The following UVRAG variants were observed in gnomAD, a reference collection of about 807,000 sequenced individuals.
UVRAG encodes UV radiation resistance associated.
Under a neutral mutation model 78.0 loss-of-function variants are expected in UVRAG, and 19 were observed. That is an observed-to-expected ratio of 0.24 (90% CI 0.17 to 0.36). UVRAG has a LOEUF of 0.36. Ranked by LOEUF, UVRAG falls within the 10% of genes least tolerant of loss-of-function variation. The probability of loss-of-function intolerance (pLI) is 1.00; values close to 1 mark genes in which losing one functional copy is unlikely to be tolerated. For missense variants in UVRAG, 740 were observed against 853.8 expected (o/e 0.87, Z 1.66); for synonymous variants, 323 against 324.6 (o/e 1.00, Z 0.05).
intron 11 of UVRAG, among the ~76,000 whole-genome samples, chr11:76,013,313 A>C (rs1950089099): frequency 6.6e-6 from 1 of 152,144 alleles, no homozygotes; most frequent in African/African-American, 2.4e-5. Context: ...TATTATGAGG[A>C]AACTGGGTTT....
intron 12 of UVRAG, among the ~76,000 whole-genome samples, chr11:76,046,003 A>T (rs1414358733): frequency 6.6e-6 from 1 of 152,174 alleles, no homozygotes; most frequent in Non-Finnish European, 1.5e-5. Flanking sequence ...TGAAGATTCT[A>T]AAAGCTTGCA....
intron 1 of UVRAG, among the ~76,000 whole-genome samples, chr11:75,834,610 C>T (rs1437035758): frequency 1.3e-5 from 2 of 152,016 alleles, no homozygotes; most frequent in African/African-American, 2.4e-5. Flanking sequence ...GTCAGGAGAT[C>T]GAGACTGTCC....
chr11:76,049,235 A>C (rs898896336), intron 12 of UVRAG, among the ~76,000 whole-genome samples: 2 of 152,206 alleles, frequency 1.3e-5, no homozygotes, highest in African/African-American at 4.8e-5. Flanking sequence ...TCTGACCCTG[A>C]GCATGACAGT....
chr11:76,087,829 A>G (rs1951617535), intron 13 of UVRAG, among the ~76,000 whole-genome samples: 1 of 152,130 alleles, frequency 6.6e-6, no homozygotes, highest in Non-Finnish European at 1.5e-5. Flanking sequence ...CTGAACCCTG[A>G]TACTACTTGG....
rs1414282410 is a variant in UVRAG at position 76,142,868 on chromosome 11, GC to G, written c.*1457del. 2 of 152,350 alleles carry G rather than the reference GC, an allele frequency of 1.3e-5. No homozygotes were observed. The highest frequency in any genetic ancestry group is 2.9e-5 in the Non-Finnish European group (2 of 68,028). The allele number at this position is 152,350 out of a possible 1,614,324, so 9.4% of individuals were successfully genotyped here. A position where few individuals can be genotyped will look rare whatever the true frequency, so the allele number is the denominator to read the frequency against. On this transcript the variant is annotated 3_prime_UTR_variant, in exon 15 of 15. Coordinates refer to ENST00000356136, the MANE Select transcript of UVRAG (RefSeq NM_003369.4). ...TCCTGCATAACAGCTTCACTCACAG[GC>G]CTCACCGTCACTTTATTTTGTGTCC...
At chr11:75,883,369 C>CAAAAAAA (rs561377655) in intron 4 of UVRAG, among the ~76,000 whole-genome samples, 2 of 48,256 alleles carry the variant, frequency 4.1e-5, no homozygotes, top group African/African-American at 5.5e-5. Flanking sequence ...TAACAGAGAA[C>CAAAAAAA]AAAAAAAAAA....
intron 9 of UVRAG, among the ~76,000 whole-genome samples, chr11:76,006,515 C>T (rs905595758): frequency 6.6e-6 from 1 of 151,724 alleles, no homozygotes; most frequent in African/African-American, 2.4e-5. Flanking sequence ...CAAAAATTAG[C>T]TCAGCATGGT....
At chr11:75,842,561 C>T (rs1387349330) in intron 1 of UVRAG, among the ~76,000 whole-genome samples, 1 of 151,982 alleles carries the variant, frequency 6.6e-6, no homozygotes, top group East Asian at 1.9e-4. Flanking sequence ...CCTGCCTCAG[C>T]CTCCCGAGTA....
In UVRAG at chr11:76,110,707, G is replaced by A. The variant is rs553323374; in HGVS notation, c.1306-5217G>A. ...GGTTCTTTGAGAATAGATAAGACATGAGATATAGGATGCCTAGAGAGAGAC... is the reference window on the plus strand; with the variant it reads ...GGTTCTTTGAGAATAGATAAGACATAAGATATAGGATGCCTAGAGAGAGAC... On this transcript the variant is annotated intron_variant, in intron 13 of 14. Coordinates refer to ENST00000356136, the MANE Select transcript of UVRAG (RefSeq NM_003369.4). Among the ~76,000 whole-genome samples the A allele has an allele frequency of 3.9e-5, 6 of 152,212 alleles. No homozygotes were observed. The East Asian group carries it at 1.2e-3, about 29-fold the overall frequency.
chr11:75,877,808 G>C (rs967707822), intron 3 of UVRAG, among the ~76,000 whole-genome samples: 1 of 142,208 alleles, frequency 7.0e-6, no homozygotes, highest in African/African-American at 2.6e-5. Flanking sequence ...CAGTAGGGGC[G>C]GCTGGGCAGA....
At chr11:76,106,903 A>G (rs1173040422) in intron 13 of UVRAG, among the ~76,000 whole-genome samples, 1 of 121,482 alleles carries the variant, frequency 8.2e-6, no homozygotes, top group Non-Finnish European at 1.7e-5. Context: ...TTTAGCCTCC[A>G]GAGAACATAG....
At chr11:75,817,277 G>A (rs1238627872) in intron 1 of UVRAG, among the ~76,000 whole-genome samples, 3 of 152,152 alleles carry the variant, frequency 2.0e-5, no homozygotes, top group Non-Finnish European at 4.4e-5. Context: ...GGGGAGCTTC[G>A]AGAGTGTGTG....
chr11:76,100,776 T>C (rs1232141586), intron 13 of UVRAG, among the ~76,000 whole-genome samples: 1 of 152,094 alleles, frequency 6.6e-6, no homozygotes, highest in Non-Finnish European at 1.5e-5. Flanking sequence ...CATCATCTGG[T>C]AGAACCCAGT....
chr11:75,838,359 A>G (rs1044242858), intron 1 of UVRAG, among the ~76,000 whole-genome samples: 1 of 151,902 alleles, frequency 6.6e-6, no homozygotes, highest in African/African-American at 2.4e-5. Context: ...TGTTTTTGAG[A>G]CAGAATCTTA....
intron 12 of UVRAG, among the ~76,000 whole-genome samples, chr11:76,055,903 G>A (rs953939577): frequency 1.3e-5 from 2 of 152,138 alleles, no homozygotes; most frequent in African/African-American, 4.8e-5. Context: ...TAGAGATGGG[G>A]TTTCACTGTG....
intron 6 of UVRAG, among the ~76,000 whole-genome samples, chr11:75,947,951 CT>C: frequency 6.6e-6 from 1 of 152,260 alleles, no homozygotes; most frequent in African/African-American, 2.4e-5. Flanking sequence ...GTGCCAGGCA[CT>C]GTATTAGGCC....
intron 7 of UVRAG, among the ~76,000 whole-genome samples, chr11:75,977,348 G>T (rs1014685540): frequency 6.6e-6 from 1 of 152,228 alleles, no homozygotes; most frequent in Non-Finnish European, 1.5e-5. Flanking sequence ...ATATTCTGTT[G>T]ATTTGGGGTG....
chr11:75,893,193 AAAG>A (rs1417624478), intron 5 of UVRAG, among the ~76,000 whole-genome samples: 3 of 152,012 alleles, frequency 2.0e-5, no homozygotes, highest in Non-Finnish European at 2.9e-5. Context: ...AAAAAGAAAA[AAAG>A]AAGAATTATT....
intron 14 of UVRAG, among the ~76,000 whole-genome samples, chr11:76,124,214 GATT>G (rs1447669847): frequency 6.6e-6 from 1 of 152,178 alleles, no homozygotes; most frequent in South Asian, 2.1e-4. Context: ...TATTGTTTTT[GATT>G]ATTATTAAGT....
Sources: allele counts gnomAD v4.1 joint callset (sites outside exome capture counted in the v4.1 genomes callset), GRCh38; gene constraint gnomAD v4.1.1; transcripts MANE v1.5; gene names NCBI Gene and HGNC (gene_info 2026-07-23, HGNC 2026-07-21).